The following LRCH1 variants were observed in gnomAD, a reference collection of about 807,000 sequenced individuals.
LRCH1 encodes leucine-rich repeat and calponin homology domain-containing protein 1.
LRCH1 carries 23 observed loss-of-function variants against 94.9 expected under a neutral mutation model. The observed-to-expected ratio is 0.24, with a 90% CI of 0.17 to 0.34. The LOEUF (loss-of-function observed/expected upper bound fraction) is 0.34, where lower values mean the gene tolerates loss of function less well. Among genes scored for constraint, LRCH1 ranks in the 10% least tolerant of loss-of-function variants. The pLI, the probability that LRCH1 is intolerant of heterozygous loss-of-function variation, is 1.00. For synonymous variants in LRCH1, 364 were observed against 354.9 expected (o/e 1.03, Z -0.29); for missense variants, 790 against 945.9 (o/e 0.84, Z 2.16).
intron 1 of LRCH1, among the ~76,000 whole-genome samples, chr13:46,594,535 G>T (rs899797577): frequency 6.6e-6 from 1 of 152,178 alleles, no homozygotes; most frequent in Non-Finnish European, 1.5e-5. Flanking sequence ...ACCAAATCAG[G>T]CCACCTCCTT....
chr13:46,596,104 G>A (rs1413705082), intron 1 of LRCH1, among the ~76,000 whole-genome samples: 1 of 152,226 alleles, frequency 6.6e-6, no homozygotes, highest in Admixed American at 6.5e-5. Flanking sequence ...TCAAAGGAAA[G>A]GAGGAGGAGC....
At chr13:46,669,528 A>G (rs1014675861) in intron 3 of LRCH1, among the ~76,000 whole-genome samples, 1 of 152,260 alleles carries the variant, frequency 6.6e-6, no homozygotes, top group Non-Finnish European at 1.5e-5. Flanking sequence ...TCATGAAGGT[A>G]TAAAATTAAG....
intron 1 of LRCH1, among the ~76,000 whole-genome samples, chr13:46,591,736 A>G (rs939811734): frequency 2.0e-5 from 3 of 152,246 alleles, no homozygotes; most frequent in African/African-American, 7.2e-5. Context: ...TTGACAGACA[A>G]GCATATTTGA....
At chr13:46,684,990 T>C (rs972856929) in intron 4 of LRCH1, among the ~76,000 whole-genome samples, 5 of 152,192 alleles carry the variant, frequency 3.3e-5, no homozygotes, top group Non-Finnish European at 5.9e-5. Flanking sequence ...CTTCAGTTAC[T>C]CTTCTTTGTC....
At chr13:46,581,794 C>A (rs1471446455) in intron 1 of LRCH1, among the ~76,000 whole-genome samples, 1 of 152,230 alleles carries the variant, frequency 6.6e-6, no homozygotes, top group African/African-American at 2.4e-5. Context: ...CATCAATATT[C>A]CACCTTCTCA....
At chr13:46,629,307 T>G (rs1347335711) in intron 1 of LRCH1, among the ~76,000 whole-genome samples, 1 of 40,676 alleles carries the variant, frequency 2.5e-5, no homozygotes, top group African/African-American at 6.2e-5. Flanking sequence ...CCCATTTCTG[T>G]TTTTTATTTT....
chr13:46,734,496 A>G (rs1873274011), intron 19 of LRCH1, among the ~76,000 whole-genome samples: 1 of 152,250 alleles, frequency 6.6e-6, no homozygotes, highest in Non-Finnish European at 1.5e-5. Context: ...GTTATCATTA[A>G]TAATAGCAGC....
rs1872552662 is a variant in LRCH1 at position 46,720,676 on chromosome 13, A to T, written c.1760-2545A>T. 2.0e-5 allele frequency among the ~76,000 whole-genome samples: 3 copies of T among 152,164 alleles called. No homozygotes were observed. The South Asian group carries it at 6.2e-4, about 32-fold the overall frequency. ...TGTAGATCAATTTCCTGAAGCCTGG[A>T]CCCAGACCGTTCACTGGATTTATTA... On this transcript the variant is annotated intron_variant, in intron 16 of 19. Transcript: ENST00000389797.
chr13:46,676,917 A>G (rs1426448384), intron 3 of LRCH1, among the ~76,000 whole-genome samples: 1 of 152,084 alleles, frequency 6.6e-6, no homozygotes, highest in African/African-American at 2.4e-5. Context: ...AGCTGAAACC[A>G]CGGGTGCATG....
chr13:46,725,067 T>A (rs750644093), intron 17 of LRCH1, among the ~76,000 whole-genome samples: 13 of 152,192 alleles, frequency 8.5e-5, no homozygotes, highest in Non-Finnish European at 1.8e-4. Flanking sequence ...ACATGGATGC[T>A]ACTGGAGGCC....
At chr13:46,573,845 A>AATATATAT (rs1555269134) in intron 1 of LRCH1, among the ~76,000 whole-genome samples, 3 of 78,002 alleles carry the variant, frequency 3.8e-5, no homozygotes, top group Non-Finnish European at 5.1e-5. Flanking sequence ...ACTATAGTCA[A>AATATATAT]ATATATATAT....
chr13:46,624,115 C>T (rs1594294669), intron 1 of LRCH1, among the ~76,000 whole-genome samples: 1 of 152,148 alleles, frequency 6.6e-6, no homozygotes, highest in East Asian at 1.9e-4. Flanking sequence ...AACTCCTGGC[C>T]TTAAATGATC....
At chr13:46,696,193 TGTAC>T (rs1871171400) in intron 9 of LRCH1, among the ~76,000 whole-genome samples, 3 of 123,644 alleles carry the variant, frequency 2.4e-5, no homozygotes, top group South Asian at 2.5e-4. Flanking sequence ...CATGCATGTG[TGTAC>T]ACACACACAC....
chr13:46,611,650 TGTGA>T (rs773815868), intron 1 of LRCH1, among the ~76,000 whole-genome samples: 32 of 152,206 alleles, frequency 2.1e-4, no homozygotes, highest in Non-Finnish European at 4.3e-4. Flanking sequence ...TGAGATATGC[TGTGA>T]GTGTAAAATA....
chr13:46,571,370 G>T (rs139470661), intron 1 of LRCH1, among the ~76,000 whole-genome samples: 66 of 152,312 alleles, frequency 4.3e-4, no homozygotes, highest in African/African-American at 1.5e-3. Context: ...AGTGGTATTC[G>T]CAGTGATGCA....
At chr13:46,556,471 G>A (rs189959060) in intron 1 of LRCH1, among the ~76,000 whole-genome samples, 32 of 152,196 alleles carry the variant, frequency 2.1e-4, no homozygotes, top group Admixed American at 1.1e-3. Flanking sequence ...TAGGTGAAAC[G>A]GGGAAAGAAA....
intron 1 of LRCH1, among the ~76,000 whole-genome samples, chr13:46,626,281 T>C (rs2050948489): frequency 6.6e-6 from 1 of 152,144 alleles, no homozygotes; most frequent in Non-Finnish European, 1.5e-5. Context: ...ATGGGTAGTG[T>C]CAGACCCCGA....
intron 13 of LRCH1, among the ~76,000 whole-genome samples, chr13:46,710,542 C>T (rs1038609299): frequency 8.5e-5 from 13 of 152,114 alleles, no homozygotes; most frequent in East Asian, 3.9e-4. Context: ...GAAGGGTCTG[C>T]GAGACGATAG....
chr13:46,636,951 C>G (rs2051098706), intron 1 of LRCH1, among the ~76,000 whole-genome samples: 1 of 152,192 alleles, frequency 6.6e-6, no homozygotes, highest in Non-Finnish European at 1.5e-5. Context: ...TATACTCTTA[C>G]AGTTCCCAAC....
Sources: gnomAD v4.1 joint callset for allele counts (sites outside exome capture counted in the v4.1 genomes callset) on GRCh38, gnomAD v4.1.1 for gene constraint, MANE v1.5 for transcripts, NCBI Gene and HGNC (gene_info 2026-07-23, HGNC 2026-07-21) for gene names.